ULK4: variants seen among roughly 807,000 people sequenced by gnomAD.
The protein encoded by ULK4 is unc-51 like kinase 4, also known as inactive serine/threonine-protein kinase ULK4.
In ULK4, 133 loss-of-function variants were observed where a neutral mutation model predicts 160.6. The ratio of observed to expected loss-of-function variants is 0.83; its 90% CI spans 0.72 to 0.96. ULK4 has a LOEUF of 0.96. Among genes scored for constraint, ULK4 ranks in the 40% least tolerant of loss-of-function variants. The pLI is 0.00. For missense variants in ULK4, 1,580 were observed against 1,499.5 expected (o/e 1.05, Z -0.89); for synonymous variants, 534 against 539.8 (o/e 0.99, Z 0.15).
intron 31 of ULK4, among the ~76,000 whole-genome samples, chr3:41,582,636 T>A (rs576722044): frequency 1.7e-4 from 26 of 152,336 alleles, no homozygotes; most frequent in Non-Finnish European, 3.4e-4. Context: ...CTTCTGGGCA[T>A]TGATTTCAAA....
At chr3:41,593,299 T>G (rs1265183810) in intron 31 of ULK4, among the ~76,000 whole-genome samples, 1 of 152,150 alleles carries the variant, frequency 6.6e-6, no homozygotes. Context: ...ATGTGATAGG[T>G]CACTGATCAT....
intron 5 of ULK4, among the ~76,000 whole-genome samples, chr3:41,931,348 G>A (rs1459438208): frequency 6.6e-6 from 1 of 151,752 alleles, no homozygotes; most frequent in African/African-American, 2.4e-5. Flanking sequence ...GGGGTCTAAA[G>A]GAGGGATAGC....
At chr3:41,581,815 G>A (rs2030366582) in intron 31 of ULK4, among the ~76,000 whole-genome samples, 1 of 152,214 alleles carries the variant, frequency 6.6e-6, no homozygotes, top group Non-Finnish European at 1.5e-5. Flanking sequence ...TTAGGAAGGA[G>A]ATGCAAATGA....
intron 22 of ULK4, among the ~76,000 whole-genome samples, chr3:41,733,141 T>C (rs1311867330): frequency 6.6e-6 from 1 of 152,014 alleles, no homozygotes; most frequent in Non-Finnish European, 1.5e-5. Flanking sequence ...ATAATAAACG[T>C]TTGCAGTGAT....
intron 34 of ULK4, among the ~76,000 whole-genome samples, chr3:41,416,976 T>C (rs2082542202): frequency 2.0e-5 from 3 of 152,106 alleles, no homozygotes; most frequent in Admixed American, 2.0e-4. Flanking sequence ...GTACATGTGA[T>C]AGGAACATTA....
intron 21 of ULK4, among the ~76,000 whole-genome samples, chr3:41,783,199 G>A (rs994460273): frequency 7.6e-6 from 1 of 131,882 alleles, no homozygotes; most frequent in Non-Finnish European, 1.5e-5. Flanking sequence ...GGCCTTTGGT[G>A]TTCTGATTCC....
intron 22 of ULK4, among the ~76,000 whole-genome samples, chr3:41,734,933 A>C (rs1018802563): frequency 1.3e-5 from 2 of 152,176 alleles, no homozygotes; most frequent in African/African-American, 4.8e-5. Flanking sequence ...CAGCACCTCA[A>C]GCCTTAAATG....
At chr3:41,530,961 A>C (rs1017956164) in intron 32 of ULK4, among the ~76,000 whole-genome samples, 1 of 150,860 alleles carries the variant, frequency 6.6e-6, no homozygotes, top group Non-Finnish European at 1.5e-5. Flanking sequence ...ACGGGGTTTC[A>C]CCACGTTGGC....
chr3:41,837,355 C>T (rs370042007), intron 17 of ULK4, among the ~76,000 whole-genome samples: 129 of 152,248 alleles, frequency 8.5e-4, no homozygotes, highest in African/African-American at 3.0e-3. Flanking sequence ...AGTGTTTCCT[C>T]CATGTCCTTT....
intron 34 of ULK4, among the ~76,000 whole-genome samples, chr3:41,419,943 C>T (rs985149963): frequency 4.6e-5 from 7 of 151,904 alleles, no homozygotes; most frequent in African/African-American, 7.3e-5. Context: ...GGGCTTCCTC[C>T]GCCCTGTGCC....
At chr3:41,853,436 T>A (rs979959067) in intron 17 of ULK4, among the ~76,000 whole-genome samples, 1 of 152,140 alleles carries the variant, frequency 6.6e-6, no homozygotes, top group African/African-American at 2.4e-5. Context: ...ATAGAGAGCA[T>A]TAAGACTGAC....
intron 18 of ULK4, among the ~76,000 whole-genome samples, chr3:41,824,194 G>C (rs1387326865): frequency 6.7e-6 from 1 of 149,064 alleles, no homozygotes; most frequent in African/African-American, 2.5e-5. Flanking sequence ...GAGGAGCCAA[G>C]ATAGCCAAAT....
chr3:41,631,072 G>C (rs1353668339), intron 30 of ULK4, among the ~76,000 whole-genome samples: 1 of 152,174 alleles, frequency 6.6e-6, no homozygotes, highest in Non-Finnish European at 1.5e-5. Context: ...ATAATGTTTA[G>C]CTATGGTATG....
chr3:41,676,505 T>C (rs757313402), intron 29 of ULK4, among the ~76,000 whole-genome samples: 6 of 152,062 alleles, frequency 3.9e-5, no homozygotes, highest in Non-Finnish European at 8.8e-5. Context: ...TAACATTATA[T>C]AGACCCAAAG....
chr3:41,351,994 C>T (rs2080919638), intron 35 of ULK4, among the ~76,000 whole-genome samples: 1 of 152,160 alleles, frequency 6.6e-6, no homozygotes, highest in Non-Finnish European at 1.5e-5. Context: ...CATAAACAGA[C>T]ACAGTCTATA....
chr3:41,782,799 G>C (rs1397352941), intron 21 of ULK4, among the ~76,000 whole-genome samples: 1 of 152,060 alleles, frequency 6.6e-6, no homozygotes, highest in Non-Finnish European at 1.5e-5. Flanking sequence ...CATACAAAAG[G>C]ATTTAGCCAT....
At chr3:41,626,300 T>C (rs564752877) in intron 30 of ULK4, among the ~76,000 whole-genome samples, 2 of 152,306 alleles carry the variant, frequency 1.3e-5, no homozygotes, top group South Asian at 4.1e-4. Flanking sequence ...TAATGTTTGA[T>C]AGTCCAAGTG....
chr3:41,713,877 T>G (rs1311757986), intron 25 of ULK4, among the ~76,000 whole-genome samples: 1 of 151,802 alleles, frequency 6.6e-6, no homozygotes, highest in African/African-American at 2.4e-5. Flanking sequence ...TTTAAAAACC[T>G]AAAGCATACT....
At chr3:41,525,453 G>A (rs375914833) in intron 32 of ULK4, among the ~76,000 whole-genome samples, 222 of 152,252 alleles carry the variant, frequency 1.5e-3, no homozygotes, top group African/African-American at 4.5e-3. Flanking sequence ...ATGGACTCTC[G>A]TCTTCTGGTG....
Sources: allele counts gnomAD v4.1 joint callset (sites outside exome capture counted in the v4.1 genomes callset), GRCh38; gene constraint gnomAD v4.1.1; transcripts MANE v1.5; gene names NCBI Gene and HGNC (gene_info 2026-07-23, HGNC 2026-07-21).